The following PDE12 variants were observed in gnomAD, a reference collection of about 807,000 sequenced individuals.
PDE12 encodes phosphodiesterase 12, also known as 2',5'-phosphodiesterase 12.
Under a neutral mutation model 45.4 loss-of-function variants are expected in PDE12, and 26 were observed. The observed-to-expected ratio is 0.57, with a 90% CI of 0.42 to 0.79. PDE12 has a LOEUF of 0.79. Ranked by LOEUF, PDE12 falls within the 30% of genes least tolerant of loss-of-function variation. PDE12 has a pLI of 0.00. For missense variants in PDE12, 668 were observed against 790.0 expected (o/e 0.85, Z 1.85); for synonymous variants, 283 against 323.9 (o/e 0.87, Z 1.36).
At chr3:57,637,390 T>G in the PDE12 span, among the ~76,000 whole-genome samples, 1 of 152,236 alleles carries the variant, frequency 6.6e-6, no homozygotes, top group East Asian at 1.9e-4. Context: ...TCAGGAGGAA[T>G]GATCCTTCTG....
the PDE12 span, chr3:57,634,434 C>CAA: frequency 6.9e-4 from 194 of 280,430 alleles, no homozygotes; most frequent in Non-Finnish European, 8.7e-4. Context: ...CTCTGTCTCC[C>CAA]AAAAAAAAAA....
At chr3:57,637,148 G>A in the PDE12 span, among the ~76,000 whole-genome samples, 7 of 152,068 alleles carry the variant, frequency 4.6e-5, no homozygotes, top group East Asian at 1.9e-4. Context: ...CACAATAAGA[G>A]TTTATTTATG....
At chr3:57,575,314 A>C in the PDE12 span, among the ~76,000 whole-genome samples, 2 of 151,910 alleles carry the variant, frequency 1.3e-5, no homozygotes, top group Non-Finnish European at 2.9e-5. Context: ...TCAAAAAAAA[A>C]AAAAAAGAAA....
chr3:57,607,237 C>A, the PDE12 span, among the ~76,000 whole-genome samples: 291 of 152,226 alleles, frequency 1.9e-3, 6 homozygotes, highest in Non-Finnish European at 1.5e-3. Flanking sequence ...CAAAACCCCA[C>A]CTGTACATCA....
At chr3:57,654,754 C>T in the PDE12 span, 1 of 985,380 alleles carries the variant, frequency 1.0e-6, no homozygotes, top group Non-Finnish European at 1.2e-6. Flanking sequence ...CGCCTACACT[C>T]AACTGTATCT....
the PDE12 span, among the ~76,000 whole-genome samples, chr3:57,593,591 C>T: frequency 6.6e-6 from 1 of 152,162 alleles, no homozygotes; most frequent in Non-Finnish European, 1.5e-5. Context: ...AGCTTTTCAA[C>T]AGGCAAGAAC....
At chr3:57,603,598 T>A in the PDE12 span, among the ~76,000 whole-genome samples, 2 of 151,240 alleles carry the variant, frequency 1.3e-5, no homozygotes, top group Admixed American at 1.3e-4. Context: ...ATTATAAGCA[T>A]GAGCCACCAT....
chr3:57,565,213 T>A lies in PDE12; in HGVS notation c.*5209T>A, dbSNP rs1389239781. ...TATGTTGCCCAGACTGGTCTTAAAC[T>A]CCTGGGCTCAAATGACTCTCCCGCT... On this transcript the variant is annotated 3_prime_UTR_variant, in exon 3 of 3. Transcript: ENST00000311180. The A allele has an allele frequency of 6.6e-6, 1 of 152,140 alleles. No individual in the cohort carries two copies. The highest frequency in any genetic ancestry group is 2.4e-5 in the African/African-American group (1 of 41,410). 9.4% of individuals were successfully genotyped at this position (152,140 alleles called of 1,614,324 possible). A position where few individuals can be genotyped will look rare whatever the true frequency, so the allele number is the denominator to read the frequency against.
chr3:57,560,868 A>T lies in PDE12; in HGVS notation c.*864A>T. The T allele has an allele frequency of 1.0e-6, 1 of 985,448 alleles. No homozygotes were observed. Among genetic ancestry groups the T allele is most frequent in the Non-Finnish European group, 1.2e-6 (1 of 829,560 alleles). The allele number at this position is 985,448 out of a possible 1,614,324, so 61.0% of individuals were successfully genotyped here. A position where few individuals can be genotyped will look rare whatever the true frequency, so the allele number is the denominator to read the frequency against. ...AACATTAGGGTCTACCTCTACCTCA[A>T]TTTAGTTAGCGATTTACTACAATTT... On this transcript the variant is annotated 3_prime_UTR_variant, in exon 3 of 3. Coordinates refer to ENST00000311180, the MANE Select transcript of PDE12 (RefSeq NM_177966.7).
the PDE12 span, among the ~76,000 whole-genome samples, chr3:57,644,119 C>A: frequency 1.3e-5 from 2 of 150,672 alleles, no homozygotes; most frequent in Admixed American, 1.3e-4. Context: ...CATTGCACTC[C>A]CTCCTGGATG....
chr3:57,618,694 C>G, the PDE12 span, among the ~76,000 whole-genome samples: 3 of 142,836 alleles, frequency 2.1e-5, no homozygotes, highest in African/African-American at 2.5e-5. Context: ...CTGCAACCTC[C>G]TCCTCCTGGG....
the PDE12 span, chr3:57,634,695 A>G: frequency 6.5e-7 from 1 of 1,534,560 alleles, no homozygotes; most frequent in Non-Finnish European, 8.8e-7. Flanking sequence ...AATCAATAAA[A>G]GTCAATACCA....
At chr3:57,628,776 A>C in the PDE12 span, 1 of 1,595,096 alleles carries the variant, frequency 6.3e-7, no homozygotes, top group African/African-American at 1.3e-5. Flanking sequence ...TTCAAAGAAA[A>C]GTCAATTTAA....
At chr3:57,633,054 G>A in the PDE12 span, among the ~76,000 whole-genome samples, 2 of 152,146 alleles carry the variant, frequency 1.3e-5, no homozygotes, top group Admixed American at 6.6e-5. Flanking sequence ...AGAAAATTGA[G>A]GGTCAGAGAG....
the PDE12 span, among the ~76,000 whole-genome samples, chr3:57,606,476 G>C: frequency 6.6e-6 from 1 of 152,142 alleles, no homozygotes; most frequent in Non-Finnish European, 1.5e-5. Flanking sequence ...TACCAGAAAT[G>C]TTAAAGGCAG....
At chr3:57,602,695 C>G in the PDE12 span, among the ~76,000 whole-genome samples, 1 of 151,956 alleles carries the variant, frequency 6.6e-6, no homozygotes, top group East Asian at 2.0e-4. Flanking sequence ...CTCAGCCTCC[C>G]GAGTAGCTGG....
At chr3:57,572,213 T>C in the PDE12 span, 1 of 1,612,660 alleles carries the variant, frequency 6.2e-7, no homozygotes. Flanking sequence ...CAATTTCATT[T>C]AACGTTTTGA....
rs1464219864 is a variant in PDE12, at chr3:57,556,881, C to T, written c.502C>T (p.Gln168Ter). The part of the protein sequence containing the change: ...ERNPPAFTEL[Q>*]LPRYIMAGFP... ...CAACCCGCCCGCCTTCACCGAACTGCAGTTGCCGCGCTACATCATGGCCGG... is the reference window on the plus strand; with the variant it reads ...CAACCCGCCCGCCTTCACCGAACTGTAGTTGCCGCGCTACATCATGGCCGG... The change falls in exon 1 of 3, where the codon CAG becomes TAG. Residue 168 changes from glutamine to a stop codon, truncating the protein, a stop_gained. Transcript: ENST00000311180. LOFTEE classifies it high-confidence loss of function. This position sits in a 1 kb window ranked among gnomAD's most constrained non-coding sequence, Gnocchi z 5.0. 3 of 1,614,176 alleles carry T rather than the reference C, an allele frequency of 1.9e-6. No individual in the cohort carries two copies. The highest frequency in any genetic ancestry group is 2.5e-6 in the Non-Finnish European group (3 of 1,180,038).
In PDE12 at chr3:57,561,012, T is replaced by C; in HGVS notation, c.*1008T>C. ...TTATTTTTAGGATTTTAGTTTTTAGTGTATGGTACAAATGAACACAGTTTA... is the reference window on the plus strand; with the variant it reads ...TTATTTTTAGGATTTTAGTTTTTAGCGTATGGTACAAATGAACACAGTTTA... On this transcript the variant is annotated 3_prime_UTR_variant, in exon 3 of 3. Transcript: ENST00000311180. 1 of 976,788 alleles carries C rather than the reference T, an allele frequency of 1.0e-6. No homozygotes were observed. Among genetic ancestry groups the C allele is most frequent in the Non-Finnish European group, 1.2e-6 (1 of 821,706 alleles). 60.5% of individuals were successfully genotyped at this position (976,788 alleles called of 1,614,324 possible).
Sources: allele counts gnomAD v4.1 joint callset (sites outside exome capture counted in the v4.1 genomes callset), GRCh38; gene constraint gnomAD v4.1.1; non-coding constraint Gnocchi (gnomAD v3.1); transcripts MANE v1.5; gene names NCBI Gene and HGNC (gene_info 2026-07-23, HGNC 2026-07-21).